SHROOM1: variants seen among roughly 807,000 people sequenced by gnomAD.
SHROOM1 encodes the protein shroom family member 1, also known as protein Shroom1.
In SHROOM1, 53 loss-of-function variants were observed where a neutral mutation model predicts 64.2. The observed-to-expected ratio is 0.83, with a 90% CI of 0.66 to 1.04. The LOEUF (loss-of-function observed/expected upper bound fraction) is 1.04. Among genes scored for constraint, SHROOM1 ranks in the 50% least tolerant of loss-of-function variants. The probability of loss-of-function intolerance (pLI) is 0.00; values close to 1 mark genes in which losing one functional copy is unlikely to be tolerated. For synonymous variants in SHROOM1, 490 were observed against 518.9 expected (o/e 0.94, Z 0.76); for missense variants, 1,179 against 1,163.2 (o/e 1.01, Z -0.20).
chr5:132,825,639 G>GC lies in SHROOM1; in HGVS notation c.501dup (p.Pro168AlafsTer78). On this transcript the variant is annotated frameshift_variant, in exon 4 of 10. Transcript: ENST00000378679. LOFTEE classifies it high-confidence loss of function. The surrounding 1 kb of genome is among the most constrained non-coding windows in gnomAD (Gnocchi z 5.1). ...GGGACAGTGGGCCGCAGACGGGCGG[G>GC]CAGGCTCATGCGGAGCTCCTTGCGC... The GC allele has an allele frequency of 7.4e-7, 1 of 1,345,642 alleles. No individual in the cohort carries two copies. The highest frequency in any genetic ancestry group is 9.5e-7 in the Non-Finnish European group (1 of 1,055,514). The allele number at this position is 1,345,642 out of a possible 1,614,324, so 83.4% of individuals were successfully genotyped here.
chr5:132,824,334 C>T lies in SHROOM1; in HGVS notation c.1327G>A (p.Glu443Lys), dbSNP rs768514171. The change falls in exon 7 of 10, where the codon GAG becomes AAG. Residue 443 changes from glutamate (E) to lysine (K), a missense_variant. Glu to Lys is a moderately conservative substitution (Grantham distance 56). Transcript: ENST00000378679. ...TCTGCCCCTGCAGTTCCTGGACACT[C>T]ATGGAGCGGGTACTCTGTGGGGACT... ...VTVPTEYPLH[E>K]CPGTAGADDC... 14 of 1,610,760 alleles carry T rather than the reference C, an allele frequency of 8.7e-6. No individual in the cohort carries two copies. In the Admixed American group the frequency reaches 2.0e-4, roughly 23 times the overall value.
In SHROOM1 at chr5:132,827,570, C is replaced by G. The variant is rs999929592; in HGVS notation, c.-463G>C. 3 of 152,406 alleles carry G rather than the reference C, an allele frequency of 2.0e-5. No homozygotes were observed. Among genetic ancestry groups the G allele is most frequent in the African/African-American group, 7.2e-5 (3 of 41,422 alleles). The allele number at this position is 152,406 out of a possible 1,614,324, so 9.4% of individuals were successfully genotyped here. ...GGCGGAAGTTGTAGTGAGCCGAGAT[C>G]GCGCCACTGCACTCCAGCCTGGCGA... On this transcript the variant is annotated 5_prime_UTR_variant, in exon 2 of 10. Coordinates refer to ENST00000378679, the MANE Select transcript of SHROOM1 (RefSeq NM_001172700.2).
rs777503954 is a variant in SHROOM1, at chr5:132,824,058, G to A, written c.1603C>T (p.Pro535Ser). 8.1e-6 allele frequency: 13 copies of A among 1,611,728 alleles called. No homozygotes were observed. In the East Asian group the frequency reaches 1.6e-4, roughly 19 times the overall value. ...TCGAGGCACTGACTAGGCCATGTGG[G>A]CCTGGAACCAGGCTGGCCAGTGCCC... is the stretch of plus-strand genomic sequence containing the variant. ...ARGTGQPGSR[P>S]TWPSQCLEEL... The change falls in exon 7 of 10, where the codon CCC (proline) becomes TCC (serine). Residue 535 changes from proline (P) to serine (S), a missense_variant. Physicochemically the swap from Pro to Ser is moderately conservative, Grantham distance 74. Coordinates refer to ENST00000378679, the MANE Select transcript of SHROOM1 (RefSeq NM_001172700.2).
Position 132,823,476 on chromosome 5 carries a change from G to T in SHROOM1, c.2000C>A (p.Thr667Lys), listed in dbSNP as rs145910656. 202 of 1,611,456 alleles carry T rather than the reference G, an allele frequency of 1.3e-4. 2 individuals carry two copies. In the East Asian group the frequency reaches 4.0e-3, roughly 32 times the overall value. Reference protein sequence around the residue: ...RLQKMLQDLHTEQERLQGEAQ... With the variant: ...RLQKMLQDLHKEQERLQGEAQ... Reference sequence around the variant, plus strand: ...CTCCCCCTGCAGCCGCTCCTGCTCCGTGTGAAGGTCCTGAAGCATCTTTTG... The same window carrying T: ...CTCCCCCTGCAGCCGCTCCTGCTCCTTGTGAAGGTCCTGAAGCATCTTTTG... The change falls in exon 9 of 10, where the codon ACG becomes AAG. Residue 667 changes from threonine (T) to lysine (K), a missense_variant. By Grantham distance (78) the Thr-to-Lys change is moderately conservative (BLOSUM62 -1). Transcript: ENST00000378679. This position sits in a 1 kb window ranked among gnomAD's most constrained non-coding sequence, Gnocchi z 4.6.
rs1356860892 is a variant in SHROOM1, at chr5:132,822,905, A to G, written c.2450T>C (p.Leu817Pro). ...DERIRLLQDQ[L>P]DAIRDDLGHH... ...GCCAAGGTCGTCCCTGATGGCGTCC[A>G]GTTGGTCCTGAAGGAGGCGGATGCG... The change falls in exon 10 of 10, where the codon CTG (leucine) becomes CCG (proline). Residue 817 changes from leucine (L) to proline (P), a missense_variant. By Grantham distance (98) the Leu-to-Pro change is moderately conservative. Transcript: ENST00000378679. 1 of 1,613,520 alleles carries G rather than the reference A, an allele frequency of 6.2e-7. No individual in the cohort carries two copies. Among genetic ancestry groups the G allele is most frequent in the Admixed American group, 1.7e-5 (1 of 60,020 alleles).
chr5:132,825,833 G>A lies in SHROOM1; in HGVS notation c.308C>T (p.Thr103Ile), dbSNP rs574152245. The change falls in exon 4 of 10, where the codon ACC becomes ATC. Residue 103 changes from threonine to isoleucine, a missense_variant. Coordinates refer to ENST00000378679, the MANE Select transcript of SHROOM1 (RefSeq NM_001172700.2). The surrounding 1 kb of genome is among the most constrained non-coding windows in gnomAD (Gnocchi z 5.1). ...GGCCTGCCTGTTCAGTGGTCCCGGG[G>A]TCCCCGGGACCTCTGTTGGCTGCGG... is the stretch of plus-strand genomic sequence containing the variant. ...SGPQPTEVPG[T>I]PGPLNRQATP... The A allele has an allele frequency of 2.3e-5, 29 of 1,264,818 alleles. No homozygotes were observed. Among genetic ancestry groups the A allele is most frequent in the Middle Eastern group, 2.8e-4 (1 of 3,624 alleles). 78.3% of individuals were successfully genotyped at this position (1,264,818 alleles called of 1,614,324 possible).
chr5:132,829,903 G>A lies in SHROOM1; in HGVS notation c.-501+691C>T, dbSNP rs1411508910. 3 of 985,342 alleles carry A rather than the reference G, an allele frequency of 3.0e-6. No homozygotes were observed. In the African/African-American group the frequency reaches 5.2e-5, roughly 17 times the overall value. 61.0% of individuals were successfully genotyped at this position (985,342 alleles called of 1,614,324 possible). A position where few individuals can be genotyped will look rare whatever the true frequency, so the allele number is the denominator to read the frequency against. ...CTCCGAGTGTGCGACTGGTTTACGG[G>A]CTCATCGGTCGCTGCACCCCAGATG... is the stretch of plus-strand genomic sequence containing the variant. On this transcript the variant is annotated intron_variant, in intron 1 of 9. Transcript: ENST00000378679.
In SHROOM1 at chr5:132,822,732, C is replaced by A; in HGVS notation, c.*64G>T. ...CTCAAGGGAAAAGCAGAGACTAAAT[C>A]AGCATCACCCCACTTACGTGGGTGA... On this transcript the variant is annotated 3_prime_UTR_variant, in exon 10 of 10. Coordinates refer to ENST00000378679, the MANE Select transcript of SHROOM1 (RefSeq NM_001172700.2). The A allele has an allele frequency of 6.8e-7, 1 of 1,471,958 alleles. No individual in the cohort carries two copies. Among genetic ancestry groups the A allele is most frequent in the Non-Finnish European group, 9.1e-7 (1 of 1,100,548 alleles). 91.2% of individuals were successfully genotyped at this position (1,471,958 alleles called of 1,614,324 possible). A position where few individuals can be genotyped will look rare whatever the true frequency, so the allele number is the denominator to read the frequency against.
Position 132,825,399 on chromosome 5 carries a change from A to T in SHROOM1, c.742T>A (p.Ser248Thr), listed in dbSNP as rs769421269. 6.3e-6 allele frequency: 10 copies of T among 1,596,466 alleles called. No homozygotes were observed. Among genetic ancestry groups the T allele is most frequent in the Non-Finnish European group, 8.5e-6 (10 of 1,178,584 alleles). The stretch of plus-strand genomic sequence containing the variant: ...TCGGGCCCAGGGAGGCCAGAGCTGG[A>T]GCAGGCCTCACCCAGGCATTCCCGC... ...PARECLGEAC[S>T]SSGLPGPEPL... is the part of the protein sequence containing the mutation. The change falls in exon 4 of 10, where the codon TCC (serine) becomes ACC (threonine). Residue 248 changes from serine (S) to threonine (T), a missense_variant. Coordinates refer to ENST00000378679, the MANE Select transcript of SHROOM1 (RefSeq NM_001172700.2). This position sits in a 1 kb window ranked among gnomAD's most constrained non-coding sequence, Gnocchi z 5.1.
rs771849534 is a variant in SHROOM1 at position 132,824,414 on chromosome 5, T to A, written c.1247A>T (p.His416Leu). 2 of 1,531,914 alleles carry A rather than the reference T, an allele frequency of 1.3e-6. No homozygotes were observed. The highest frequency in any genetic ancestry group is 1.4e-5 in the African/African-American group (1 of 72,336). The allele number at this position is 1,531,914 out of a possible 1,614,324, so 94.9% of individuals were successfully genotyped here. A position where few individuals can be genotyped will look rare whatever the true frequency, so the allele number is the denominator to read the frequency against. ...HASQGPPASV[H>L]ASDQPYGTGL... is the part of the protein sequence containing the mutation. ...AGTTCCATACGGCTGGTCAGAGGCA[T>A]GGACACTGGAAGCAGAAAAGACACT... The change falls in exon 7 of 10, where the codon CAT (histidine) becomes CTT (leucine). Residue 416 changes from histidine (H) to leucine (L), a missense_variant. Physicochemically the swap from His to Leu is moderately conservative, Grantham distance 99. Transcript: ENST00000378679.
chr5:132,822,912 C>T lies in SHROOM1; in HGVS notation c.2443G>A (p.Asp815Asn). Residue 815 changes from aspartate to asparagine, a missense_variant, in exon 10 of 10, where the codon GAC (aspartate) becomes AAC (asparagine). Asp to Asn is a conservative substitution (Grantham distance 23). Transcript: ENST00000378679. ...NLDERIRLLQ[D>N]QLDAIRDDLG... ...TCGTCCCTGATGGCGTCCAGTTGGT[C>T]CTGAAGGAGGCGGATGCGCTCGTCC... 6.2e-7 allele frequency: 1 copy of T among 1,613,454 alleles called. No homozygotes were observed. The highest frequency in any genetic ancestry group is 8.5e-7 in the Non-Finnish European group (1 of 1,179,978).
chr5:132,829,261 G>A (rs530591970), intron 1 of SHROOM1, among the ~76,000 whole-genome samples: 4 of 152,336 alleles, frequency 2.6e-5, no homozygotes, highest in African/African-American at 9.6e-5. Flanking sequence ...GATGAGATTG[G>A]CCTTCAAAGC....
rs1257698417 is a variant in SHROOM1 at position 132,827,466 on chromosome 5, A to G, written c.-359T>C. 1 of 152,352 alleles carries G rather than the reference A, an allele frequency of 6.6e-6. No individual in the cohort carries two copies. Among genetic ancestry groups the G allele is most frequent in the South Asian group, 2.1e-4 (1 of 4,826 alleles). 9.4% of individuals were successfully genotyped at this position (152,352 alleles called of 1,614,324 possible). The stretch of plus-strand genomic sequence containing the variant: ...CCCATCTCTACTAAAAATACCAAAA[A>G]TTAGCTGGGCGTGGTGGCACACGCC... On this transcript the variant is annotated 5_prime_UTR_variant, in exon 2 of 10. Transcript: ENST00000378679.
At chr5:132,829,793 G>A in intron 1 of SHROOM1, 2 of 985,454 alleles carry the variant, frequency 2.0e-6, no homozygotes, top group Non-Finnish European at 2.4e-6. Context: ...GACGTTCTGG[G>A]AAGTTCACCG....
chr5:132,826,198 TGTG>T lies in SHROOM1; in HGVS notation c.-42-19_-42-17del, dbSNP rs1375180610. On this transcript the variant is annotated splice_polypyrimidine_tract_variant and intron_variant, in intron 3 of 9. Transcript: ENST00000378679. ...TGCGTGGGTCCTGGGAAAACACAGA[TGTG>T]GTGCCGGGTGAGGAGCTCCGGGTGA... is the stretch of plus-strand genomic sequence containing the variant. The T allele has an allele frequency of 1.6e-6, 2 of 1,278,656 alleles. No individual in the cohort carries two copies. Among genetic ancestry groups the T allele is most frequent in the African/African-American group, 1.5e-5 (1 of 65,326 alleles). 79.2% of individuals were successfully genotyped at this position (1,278,656 alleles called of 1,614,324 possible). A position where few individuals can be genotyped will look rare whatever the true frequency, so the allele number is the denominator to read the frequency against.
rs139706949 is a variant in SHROOM1 at position 132,825,257 on chromosome 5, C to G, written c.884G>C (p.Gly295Ala). The change falls in exon 4 of 10, where the codon GGT becomes GCT. Residue 295 changes from glycine to alanine, a missense_variant. Transcript: ENST00000378679. This position sits in a 1 kb window ranked among gnomAD's most constrained non-coding sequence, Gnocchi z 5.1. ...CCGACTGGCGGGCCTGAAGGCATCACCGAGCTTCAAGGACCCGGAGTCCAG... is the reference window on the plus strand; with the variant it reads ...CCGACTGGCGGGCCTGAAGGCATCAGCGAGCTTCAAGGACCCGGAGTCCAG... ...MNLDSGSLKL[G>A]DAFRPASRSR... 2 of 1,613,822 alleles carry G rather than the reference C, an allele frequency of 1.2e-6. No individual in the cohort carries two copies. The highest frequency in any genetic ancestry group is 2.2e-5 in the South Asian group (2 of 91,054).
In SHROOM1 at chr5:132,825,435, C is replaced by G. The variant is rs1340942585; in HGVS notation, c.706G>C (p.Gly236Arg). Residue 236 changes from glycine to arginine, a missense_variant, in exon 4 of 10, where the codon GGT (glycine) becomes CGT (arginine). Coordinates refer to ENST00000378679, the MANE Select transcript of SHROOM1 (RefSeq NM_001172700.2). The surrounding 1 kb of genome is among the most constrained non-coding windows in gnomAD (Gnocchi z 5.1). ...CCCAGGCATTCCCGCGCCGGCCCAC[C>G]GCCCCGACCCACACGATCCAGCTTT... ...PGKLDRVGRG[G>R]GPARECLGEA... The G allele has an allele frequency of 3.8e-6, 6 of 1,591,226 alleles. No individual in the cohort carries two copies. Among genetic ancestry groups the G allele is most frequent in the Admixed American group, 1.7e-5 (1 of 59,476 alleles).
rs1225046144 is a variant in SHROOM1 at position 132,822,949 on chromosome 5, CT to C, written c.2405del (p.Gln802ArgfsTer75). Reference sequence around the variant, plus strand: ...GGATGCGCTCGTCCAGGTTGCGCTGCTGGGCCAGGACGGCGGCCTTGCCCGC... The same window carrying C: ...GGATGCGCTCGTCCAGGTTGCGCTGCGGGCCAGGACGGCGGCCTTGCCCGC... ...LLAGKAAVLA[Q>X]QRNLDERIRL... On this transcript the variant is annotated frameshift_variant, in exon 10 of 10. Coordinates refer to ENST00000378679, the MANE Select transcript of SHROOM1 (RefSeq NM_001172700.2). LOFTEE classifies it high-confidence loss of function. 6.2e-7 allele frequency: 1 copy of C among 1,611,984 alleles called. No individual in the cohort carries two copies. The highest frequency in any genetic ancestry group is 1.3e-5 in the African/African-American group (1 of 74,940).
At chr5:132,827,793 A>G (rs1312502595) in intron 1 of SHROOM1, among the ~76,000 whole-genome samples, 186 bp from the exon 2 acceptor site, 1 of 152,236 alleles carries the variant, frequency 6.6e-6, no homozygotes, top group African/African-American at 2.4e-5. Context: ...GGAAGAGGAC[A>G]GAATGGGTGA....
Sources: allele counts gnomAD v4.1 joint callset (sites outside exome capture counted in the v4.1 genomes callset), GRCh38; gene constraint gnomAD v4.1.1; non-coding constraint Gnocchi (gnomAD v3.1); transcripts MANE v1.5; gene names NCBI Gene and HGNC (gene_info 2026-07-23, HGNC 2026-07-21).